Variants in ALG1 observed in about 807,000 individuals in gnomAD.
ALG1 encodes chitobiosyldiphosphodolichol beta-mannosyltransferase.
A neutral mutation model predicts 55.1 loss-of-function variants in ALG1; 58 were observed. That is an observed-to-expected ratio of 1.05 (90% confidence interval 0.85 to 1.31). The LOEUF (loss-of-function observed/expected upper bound fraction) is 1.31, where lower values mean the gene tolerates loss of function less well. ALG1 is among the 50% of genes most tolerant of loss of function. ALG1 has a pLI of 0.00. For synonymous variants in ALG1, 309 were observed against 247.0 expected (o/e 1.25, Z -2.35); for missense variants, 761 against 598.6 (o/e 1.27, Z -2.83).
intron 3 of ALG1, chr16:5,073,544 G>C (rs766267034): frequency 1.3e-5 from 6 of 470,450 alleles, no homozygotes; most frequent in Non-Finnish European, 1.5e-5. Context: ...GGTAATACAA[G>C]AACCTGTTTC....
Position 5,086,199 on chromosome 16 carries a change from A to G in ALG1, c.*1318A>G, listed in dbSNP as rs191507482. Among the ~76,000 whole-genome samples the G allele has an allele frequency of 2.6e-3, 399 of 152,216 alleles. 1 individual carries two copies. The highest frequency in any genetic ancestry group is 6.9e-3 in the Admixed American group (106 of 15,292). On this transcript the variant is annotated 3_prime_UTR_variant, in exon 13 of 13. Transcript: ENST00000262374. ...AAAATACAGAAATTAGCCAGGCATG[A>G]TGGCGAGTGCCTGTAATCCCAGCTA...
At position 5,072,809 on chromosome 16, in the gene ALG1, G is replaced by T; in HGVS notation, c.209-142G>T. On this transcript the variant is annotated intron_variant, in intron 1 of 12. Coordinates refer to ENST00000262374, the MANE Select transcript of ALG1 (RefSeq NM_019109.5). The stretch of plus-strand genomic sequence containing the variant: ...TGAACAAGAATTGGCCGCATTCTCT[G>T]TTCTGGCTAGTGAGGAGCAGAGAGA... The T allele has an allele frequency of 4.7e-6, 4 of 854,502 alleles. No individual in the cohort carries two copies. In the South Asian group the frequency reaches 5.4e-5, roughly 11 times the overall value. The allele number at this position is 854,502 out of a possible 1,614,324, so 52.9% of individuals were successfully genotyped here.
chr16:5,081,814 G>C lies in ALG1; in HGVS notation c.1073-745G>C, dbSNP rs545560095. On this transcript the variant is annotated intron_variant, in intron 10 of 12. Coordinates refer to ENST00000262374, the MANE Select transcript of ALG1 (RefSeq NM_019109.5). ...TGACCTCAAGTGATCCTCCTGCCTTGGCCTTCCTAAGTGCTTGGATTCCAG... is the reference window on the plus strand; with the variant it reads ...TGACCTCAAGTGATCCTCCTGCCTTCGCCTTCCTAAGTGCTTGGATTCCAG... 1.8e-3 allele frequency among the ~76,000 whole-genome samples: 277 copies of C among 152,044 alleles called. 1 individual carries two copies. The highest frequency in any genetic ancestry group is 6.2e-3 in the African/African-American group (259 of 41,492).
At position 5,073,240 on chromosome 16, in the gene ALG1, C is replaced by T. The variant is rs1438584398; in HGVS notation, c.374C>T (p.Ala125Val). 1.2e-6 allele frequency: 2 copies of T among 1,613,962 alleles called. No individual in the cohort carries two copies. The highest frequency in any genetic ancestry group is 2.7e-5 in the African/African-American group (2 of 74,914). Reference sequence around the variant, plus strand: ...AAGTTGATGTGGAGGGAGCCAGGTGCCTATATCTTTCTCCAGGTGTGTATC... The same window carrying T: ...AAGTTGATGTGGAGGGAGCCAGGTGTCTATATCTTTCTCCAGGTGTGTATC... ...LWKLMWREPG[A>V]YIFLQNPPGL... Residue 125 changes from alanine to valine, a missense_variant, in exon 3 of 13, where the codon GCC becomes GTC. By Grantham distance (64) the Ala-to-Val change is moderately conservative. Transcript: ENST00000262374.
rs554183734 is a variant in ALG1, at chr16:5,084,818, G to T, written c.1332G>T (p.Ser444=). 2 of 1,596,146 alleles carry T rather than the reference G, an allele frequency of 1.3e-6. No homozygotes were observed. The highest frequency in any genetic ancestry group is 2.7e-5 in the African/African-American group (2 of 74,698). Residue 444 remains serine, a synonymous_variant, in exon 13 of 13, where the codon TCG becomes TCT. Transcript: ENST00000262374. ...LNQFRKNLRE[S]QQLRWDESWV... ...AGTTCCGGAAGAACCTGCGGGAGTC[G>T]CAGCAGCTCCGATGGGATGAGAGCT...
intron 12 of ALG1, among the ~76,000 whole-genome samples, chr16:5,084,045 A>G (rs577894924): frequency 6.6e-6 from 1 of 152,300 alleles, no homozygotes; most frequent in African/African-American, 2.4e-5. Context: ...TGAGGAAGTG[A>G]TCAGGATCAC....
At position 5,071,870 on chromosome 16, in the gene ALG1, C is replaced by CCTGCTGGCGCTGTGTCTG. The variant is rs759846379; in HGVS notation, c.28_45dup (p.Ala10_Leu15dup). ...CCAAGATGGCGGCCTCATGCTTGGT[C>CCTGCTGGCGCTGTGTCTG]CTGCTGGCGCTGTGTCTGCTGCTGC... On this transcript the variant is annotated inframe_insertion, in exon 1 of 13. Transcript: ENST00000262374. 1.6e-5 allele frequency: 26 copies of CCTGCTGGCGCTGTGTCTG among 1,604,766 alleles called. No homozygotes were observed. The African/African-American group carries it at 2.1e-4, about 13-fold the overall frequency.
intron 1 of ALG1, 109 bp downstream of exon 1, chr16:5,072,166 G>A (rs1956828265): frequency 6.5e-7 from 1 of 1,534,602 alleles, no homozygotes; most frequent in East Asian, 2.5e-5. Context: ...GCCGCCTTTG[G>A]GCAGCTCTCC....
At chr16:5,080,133 T>G (rs138022906) in intron 9 of ALG1, among the ~76,000 whole-genome samples, 94 of 150,104 alleles carry the variant, frequency 6.3e-4, no homozygotes, top group Middle Eastern at 3.5e-3. Flanking sequence ...AGTGGTGCGA[T>G]CTCGGCTCAC....
At chr16:5,075,605 A>T (rs112042401) in intron 4 of ALG1, 69 bp downstream of exon 4, 5 of 1,596,620 alleles carry the variant, frequency 3.1e-6, no homozygotes, top group Non-Finnish European at 4.3e-6. Context: ...AAGAAGGGCC[A>T]TAGTGGGCCT....
chr16:5,079,842 G>A, intron 9 of ALG1, 35 bp downstream of exon 9: 1 of 1,606,800 alleles, frequency 6.2e-7, no homozygotes, highest in Non-Finnish European at 8.5e-7. Flanking sequence ...TGTTTGGTTG[G>A]GGGATGGCGG....
intron 8 of ALG1, among the ~76,000 whole-genome samples, chr16:5,079,428 A>C (rs1295216206): frequency 6.6e-6 from 1 of 152,170 alleles, no homozygotes; most frequent in Non-Finnish European, 1.5e-5. Flanking sequence ...GGTGGCTCAA[A>C]CCTGTAATCC....
chr16:5,083,439 A>G (rs1957050854), intron 11 of ALG1, among the ~76,000 whole-genome samples: 1 of 152,210 alleles, frequency 6.6e-6, no homozygotes, highest in South Asian at 2.1e-4. Context: ...CATCCAGCAC[A>G]GAAGGTACAA....
In ALG1 at chr16:5,086,334, CA is replaced by C. The variant is rs374671583; in HGVS notation, c.*1471del. ...TGAGTGACAGGGTGAGACTAAGTCTCAAAAAAAAAAAAAAAAAACCACACGC... is the reference window on the plus strand; with the variant it reads ...TGAGTGACAGGGTGAGACTAAGTCTCAAAAAAAAAAAAAAAAACCACACGC... On this transcript the variant is annotated 3_prime_UTR_variant, in exon 13 of 13. Transcript: ENST00000262374. 0.35 allele frequency among the ~76,000 whole-genome samples: 43,800 copies of C among 126,916 alleles called. 6,594 individuals are homozygous for C. The highest frequency in any genetic ancestry group is 0.45 in the Middle Eastern group (114 of 252). The allele number at this position is 126,916 out of a possible 152,430, so 83.3% of individuals were successfully genotyped here. A position where few individuals can be genotyped will look rare whatever the true frequency, so the allele number is the denominator to read the frequency against.
rs1394700831 is a variant in ALG1, at chr16:5,087,310, T to G, written c.*2429T>G. Reference sequence around the variant, plus strand: ...GTTGGACAAGACTGCTATATGTATATTCTAGGTTTTCCCCTATAGGTATAC... The same window carrying G: ...GTTGGACAAGACTGCTATATGTATAGTCTAGGTTTTCCCCTATAGGTATAC... On this transcript the variant is annotated 3_prime_UTR_variant, in exon 13 of 13. Transcript: ENST00000262374. 6.6e-6 allele frequency: 1 copy of G among 152,226 alleles called. No homozygotes were observed. The highest frequency in any genetic ancestry group is 1.5e-5 in the Non-Finnish European group (1 of 68,032). The allele number at this position is 152,226 out of a possible 1,614,324, so 9.4% of individuals were successfully genotyped here. A position where few individuals can be genotyped will look rare whatever the true frequency, so the allele number is the denominator to read the frequency against.
Position 5,075,440 on chromosome 16 carries a change from G to T in ALG1, c.443G>T (p.Cys148Phe), listed in dbSNP as rs767756401. 52 of 1,614,074 alleles carry T rather than the reference G, an allele frequency of 3.2e-5. No homozygotes were observed. In the East Asian group the frequency reaches 1.1e-3, roughly 35 times the overall value. Residue 148 changes from cysteine to phenylalanine, a missense_variant, in exon 4 of 13, where the codon TGT becomes TTT. Cys to Phe is a radical substitution (Grantham distance 205). Transcript: ENST00000262374. The part of the protein sequence containing the change: ...IAVCWFVGCL[C>F]GSKLVIDWHN... ...GTCTGCTGGTTCGTGGGCTGCCTTT[G>T]TGGAAGCAAGCTCGTCATTGACTGG... is the stretch of plus-strand genomic sequence containing the variant.
At chr16:5,083,598 G>T in intron 11 of ALG1, 84 bp from the exon 12 acceptor site, 1 of 1,595,196 alleles carries the variant, frequency 6.3e-7, no homozygotes. Context: ...TGAGCATGGG[G>T]TGTGTGGGGG....
Position 5,084,827 on chromosome 16 carries a change from C to G in ALG1, c.1341C>G (p.Leu447=), listed in dbSNP as rs1957094288. 1 of 1,596,448 alleles carries G rather than the reference C, an allele frequency of 6.3e-7. No individual in the cohort carries two copies. Among genetic ancestry groups the G allele is most frequent in the Non-Finnish European group, 8.5e-7 (1 of 1,179,782 alleles). Residue 447 remains leucine (L), a synonymous_variant, in exon 13 of 13, where the codon CTC becomes CTG. Transcript: ENST00000262374. The part of the protein sequence containing the change: ...FRKNLRESQQ[L]RWDESWVQTV... ...AGAACCTGCGGGAGTCGCAGCAGCT[C>G]CGATGGGATGAGAGCTGGGTGCAGA...
At chr16:5,072,792 A>G (rs1037928404) in intron 1 of ALG1, among the ~76,000 whole-genome samples, 159 bp from the exon 2 acceptor site, 1 of 152,184 alleles carries the variant, frequency 6.6e-6, no homozygotes, top group Non-Finnish European at 1.5e-5. Flanking sequence ...TCTGAACAAG[A>G]ATTGGCCGCA....
Sources: gnomAD v4.1 joint callset for allele counts (sites outside exome capture counted in the v4.1 genomes callset) on GRCh38, gnomAD v4.1.1 for gene constraint, MANE v1.5 for transcripts, NCBI Gene and HGNC (gene_info 2026-07-23, HGNC 2026-07-21) for gene names.